Variants in PBX1 observed in about 807,000 individuals in gnomAD.
PBX1 encodes pre-B-cell leukemia transcription factor 1.
A neutral mutation model predicts 53.4 loss-of-function variants in PBX1; 6 were observed. The ratio of observed to expected loss-of-function variants is 0.11; its 90% CI spans 0.06 to 0.22. The LOEUF is 0.22. PBX1 is among the 10% of genes least tolerant of loss of function. The pLI is 1.00. For missense variants in PBX1, 251 were observed against 551.4 expected (o/e 0.46, Z 5.46); for synonymous variants, 204 against 212.3 (o/e 0.96, Z 0.34).
chr1:164,637,394 G>A (rs562466641), intron 2 of PBX1, among the ~76,000 whole-genome samples: 7 of 152,334 alleles, frequency 4.6e-5, no homozygotes, highest in East Asian at 1.9e-4. Flanking sequence ...TGGGTCTAGC[G>A]TGAAAGCAGC....
At chr1:164,580,139 G>T (rs1654508379) in intron 2 of PBX1, among the ~76,000 whole-genome samples, 1 of 152,188 alleles carries the variant, frequency 6.6e-6, no homozygotes, top group South Asian at 2.1e-4. Context: ...TTCTGATCCT[G>T]TTTCTCAGGT....
chr1:164,831,806 T>C (rs1017060402), intron 8 of PBX1, among the ~76,000 whole-genome samples: 1 of 152,162 alleles, frequency 6.6e-6, no homozygotes, highest in Non-Finnish European at 1.5e-5. Context: ...GAATAGTCTG[T>C]TCTTTTCCCA....
downstream of PBX1, among the ~76,000 whole-genome samples, chr1:164,855,072 C>T (rs113060065): frequency 0.019 from 2,870 of 151,670 alleles, 104 homozygotes; most frequent in African/African-American, 0.064. Flanking sequence ...CCTCAGCTAC[C>T]CAAGTAGCTG....
chr1:164,873,465 A>G (rs2102457125), intron 2 of PBX1, among the ~76,000 whole-genome samples: 1 of 152,348 alleles, frequency 6.6e-6, no homozygotes, highest in African/African-American at 2.4e-5. Context: ...GTTTTTCATG[A>G]ATTCATGCTG....
intron 2 of PBX1, chr1:164,771,015 G>A (rs926927266): frequency 1.3e-5 from 2 of 151,922 alleles, no homozygotes; most frequent in Non-Finnish European, 2.9e-5. Flanking sequence ...CCTCCTGGGA[G>A]GCCTCCTCTA....
At position 164,687,561 on chromosome 1, in the gene PBX1, TAAAAAAAAAAA is replaced by T. The variant is rs5778407; in HGVS notation, c.266-104921_266-104911del. Among the ~76,000 whole-genome samples, 13 of 110,480 alleles carry T rather than the reference TAAAAAAAAAAA, an allele frequency of 1.2e-4. No homozygotes were observed. In the East Asian group the frequency reaches 2.7e-3, roughly 23 times the overall value. 72.5% of individuals were successfully genotyped at this position (110,480 alleles called of 152,430 possible). On this transcript the variant is annotated intron_variant, in intron 2 of 8. Transcript: ENST00000420696. ...CTGGGTGATAAAGTGAGACCTTGTC[TAAAAAAAAAAA>T]AAAAAAAAAAAGGAAATAGTTTAGT... is the stretch of plus-strand genomic sequence containing the variant.
chr1:164,811,273 C>T (rs1256367190), intron 5 of PBX1, among the ~76,000 whole-genome samples: 1 of 152,100 alleles, frequency 6.6e-6, no homozygotes, highest in East Asian at 1.9e-4. Flanking sequence ...GCCAAGACAC[C>T]TGCTGCGAAC....
At chr1:164,593,836 C>T (rs191783940) in intron 2 of PBX1, among the ~76,000 whole-genome samples, 2 of 152,262 alleles carry the variant, frequency 1.3e-5, no homozygotes, top group Non-Finnish European at 2.9e-5. Flanking sequence ...CTCTGCATGA[C>T]TGTTCTGAGA....
chr1:164,766,721 T>TC (rs1667072867), intron 2 of PBX1, among the ~76,000 whole-genome samples: 1 of 144,064 alleles, frequency 6.9e-6, no homozygotes, highest in East Asian at 2.0e-4. Flanking sequence ...CCTTTTCTTT[T>TC]ATTTATTTAT....
intron 2 of PBX1, among the ~76,000 whole-genome samples, chr1:164,718,182 C>T (rs1027065185): frequency 9.2e-5 from 14 of 152,140 alleles, no homozygotes; most frequent in Admixed American, 9.2e-4. Context: ...CATGTTTTAC[C>T]TTCTTTTTTG....
At chr1:164,746,852 C>T (rs1665919416) in intron 2 of PBX1, among the ~76,000 whole-genome samples, 1 of 152,136 alleles carries the variant, frequency 6.6e-6, no homozygotes, top group African/African-American at 2.4e-5. Context: ...TGGGGTAGGG[C>T]TGATGGGGTT....
At chr1:164,776,187 C>T (rs777625591) in intron 2 of PBX1, among the ~76,000 whole-genome samples, 21 of 152,104 alleles carry the variant, frequency 1.4e-4, no homozygotes, top group African/African-American at 4.3e-4. Context: ...AGATTGAATG[C>T]GCGGTATAAA....
chr1:164,872,912 T>C (rs991126832), intron 2 of PBX1, among the ~76,000 whole-genome samples: 8 of 152,358 alleles, frequency 5.3e-5, no homozygotes, highest in African/African-American at 1.4e-4. Flanking sequence ...TATTAGCTCA[T>C]TACTCGCAGA....
At chr1:164,581,356 T>G (rs1331864532) in intron 2 of PBX1, among the ~76,000 whole-genome samples, 1 of 151,352 alleles carries the variant, frequency 6.6e-6, no homozygotes, top group Non-Finnish European at 1.5e-5. Context: ...GCCTCCCGAG[T>G]AGCTGGGATT....
At chr1:164,622,882 T>C (rs1289789048) in intron 2 of PBX1, among the ~76,000 whole-genome samples, 1 of 150,086 alleles carries the variant, frequency 6.7e-6, no homozygotes, top group Non-Finnish European at 1.5e-5. Flanking sequence ...TGGAGTGCAC[T>C]TGGCTCACTG....
chr1:164,876,679 T>C (rs897384988), intron 2 of PBX1, among the ~76,000 whole-genome samples: 5 of 152,238 alleles, frequency 3.3e-5, no homozygotes, highest in South Asian at 2.1e-4. Flanking sequence ...TAAAGCCGAA[T>C]GCATTACTAA....
intron 2 of PBX1, among the ~76,000 whole-genome samples, chr1:164,874,657 C>A (rs1269002283): frequency 6.6e-6 from 1 of 152,066 alleles, no homozygotes; most frequent in Non-Finnish European, 1.5e-5. Flanking sequence ...CCACGCCCAG[C>A]TAATTTTTGT....
chr1:164,693,881 C>G (rs574329331), intron 2 of PBX1, among the ~76,000 whole-genome samples: 1 of 152,300 alleles, frequency 6.6e-6, no homozygotes, highest in South Asian at 2.1e-4. Flanking sequence ...TTGCCTTTCA[C>G]AAGAGTTGTG....
At chr1:164,799,176 C>CTT (rs144631007) in intron 3 of PBX1, among the ~76,000 whole-genome samples, 3,862 of 152,088 alleles carry the variant, frequency 0.025, 163 homozygotes, top group African/African-American at 0.09. Flanking sequence ...GATTAAGAAA[C>CTT]TTTTTTTTCT....
Sources: allele counts gnomAD v4.1 joint callset (sites outside exome capture counted in the v4.1 genomes callset), GRCh38; gene constraint gnomAD v4.1.1; transcripts MANE v1.5; gene names NCBI Gene and HGNC (gene_info 2026-07-23, HGNC 2026-07-21).